The following FARP1 variants were observed in gnomAD, a reference collection of about 807,000 sequenced individuals.
The protein encoded by FARP1 is FERM, ARH/RhoGEF and pleckstrin domain protein 1, also known as FERM, ARHGEF and pleckstrin domain-containing protein 1.
A neutral mutation model predicts 128.8 loss-of-function variants in FARP1; 52 were observed. The observed-to-expected ratio is 0.40, with a 90% CI of 0.32 to 0.51. FARP1 has a LOEUF of 0.51. FARP1 is among the 20% of genes least tolerant of loss of function. The pLI is 0.45. For missense variants in FARP1, 1,333 were observed against 1,367.9 expected (o/e 0.97, Z 0.40); for synonymous variants, 580 against 551.8 (o/e 1.05, Z -0.72).
intron 1 of FARP1, among the ~76,000 whole-genome samples, chr13:98,182,991 T>C (rs948056449): frequency 4.6e-5 from 7 of 152,350 alleles, no homozygotes; most frequent in Middle Eastern, 3.4e-3. Flanking sequence ...TCCTATACCA[T>C]AATATCTGTT....
chr13:98,231,358 A>G (rs57247338), intron 2 of FARP1, among the ~76,000 whole-genome samples: 1,958 of 146,528 alleles, frequency 0.013, 35 homozygotes, highest in African/African-American at 0.049. Context: ...AGAAGCAGTC[A>G]AGCAGTTTTA....
At chr13:98,213,160 C>G in intron 1 of FARP1, 60 bp from the exon 2 acceptor site, 1 of 1,431,336 alleles carries the variant, frequency 7.0e-7, no homozygotes. Flanking sequence ...CAAGGTGGCA[C>G]ACAGCTTGGG....
At chr13:98,286,572 AT>A (rs1282029445) in intron 2 of FARP1, among the ~76,000 whole-genome samples, 1 of 152,102 alleles carries the variant, frequency 6.6e-6, no homozygotes, top group Non-Finnish European at 1.5e-5. Context: ...TTCTGCCATA[AT>A]TTTGAGGCCT....
At chr13:98,213,509 C>T (rs563339572) in intron 2 of FARP1, 96 bp downstream of exon 2, 76 of 1,295,546 alleles carry the variant, frequency 5.9e-5, no homozygotes, top group East Asian at 4.1e-4. Flanking sequence ...TGACATGAGG[C>T]GGCTGGAGGT....
rs561132959 is a variant in FARP1 at position 98,371,520 on chromosome 13, T to C, written c.398+3325T>C. Among the ~76,000 whole-genome samples the C allele has an allele frequency of 1.9e-4, 29 of 152,280 alleles. No individual in the cohort carries two copies. In the South Asian group the frequency reaches 4.8e-3, roughly 25 times the overall value. On this transcript the variant is annotated intron_variant, in intron 5 of 26. Coordinates refer to ENST00000319562, the MANE Select transcript of FARP1 (RefSeq NM_005766.4). ...AGTCTTTTCCAAGGAGACAGTTCTT[T>C]TGGCTCATTGTTGAATAAAATTGAT...
At chr13:98,214,933 T>C (rs181121032) in intron 2 of FARP1, among the ~76,000 whole-genome samples, 1 of 152,312 alleles carries the variant, frequency 6.6e-6, no homozygotes, top group East Asian at 1.9e-4. Context: ...GTGAGGTGTT[T>C]CGTTTCAGTG....
In FARP1 at chr13:98,448,221, G is replaced by T. The variant is rs758536289; in HGVS notation, c.3057-15G>T. 6.8e-6 allele frequency: 11 copies of T among 1,611,088 alleles called. No homozygotes were observed. The East Asian group carries it at 2.5e-4, about 36-fold the overall frequency. On this transcript the variant is annotated splice_polypyrimidine_tract_variant and intron_variant, in intron 26 of 26. Coordinates refer to ENST00000319562, the MANE Select transcript of FARP1 (RefSeq NM_005766.4). Reference sequence around the variant, plus strand: ...CCAAACAAAAGGTTGACTAACTGGCGTTCCCGTGTTGCAGGTGGATGGAAG... The same window carrying T: ...CCAAACAAAAGGTTGACTAACTGGCTTTCCCGTGTTGCAGGTGGATGGAAG...
At chr13:98,167,996 C>T (rs975371522) in intron 1 of FARP1, among the ~76,000 whole-genome samples, 7 of 151,830 alleles carry the variant, frequency 4.6e-5, no homozygotes, top group African/African-American at 1.5e-4. Flanking sequence ...CACGGTGAAA[C>T]CCCGTCTCTA....
rs924210754 is a variant in FARP1 at position 98,455,020 on chromosome 13, A to C, written c.*6703A>C. 7.2e-5 allele frequency: 11 copies of C among 152,256 alleles called. No homozygotes were observed. Among genetic ancestry groups the C allele is most frequent in the African/African-American group, 2.7e-4 (11 of 41,458 alleles). The allele number at this position is 152,256 out of a possible 1,614,324, so 9.4% of individuals were successfully genotyped here. A position where few individuals can be genotyped will look rare whatever the true frequency, so the allele number is the denominator to read the frequency against. On this transcript the variant is annotated 3_prime_UTR_variant, in exon 27 of 27. Coordinates refer to ENST00000319562, the MANE Select transcript of FARP1 (RefSeq NM_005766.4). ...AGGGTCAACCCCAGCCACGATGCCC[A>C]GTGAGCACGTAAAATGTGCTGCGTC...
chr13:98,232,329 A>G (rs1378462272), intron 2 of FARP1, among the ~76,000 whole-genome samples: 3 of 152,172 alleles, frequency 2.0e-5, no homozygotes, highest in African/African-American at 7.2e-5. Flanking sequence ...TGTCAGAAGT[A>G]GTTTTCAGAT....
chr13:98,181,289 T>C (rs1027591861), intron 1 of FARP1, among the ~76,000 whole-genome samples: 2 of 152,328 alleles, frequency 1.3e-5, no homozygotes, highest in African/African-American at 4.8e-5. Context: ...GGTTACATCC[T>C]GGCGCTGTGA....
chr13:98,320,673 T>G (rs1566874869), intron 2 of FARP1, among the ~76,000 whole-genome samples: 1 of 152,204 alleles, frequency 6.6e-6, no homozygotes, highest in Non-Finnish European at 1.5e-5. Flanking sequence ...CAAAACTGTT[T>G]TAAAGCATTT....
At chr13:98,358,053 T>TA (rs1888709650) in intron 3 of FARP1, among the ~76,000 whole-genome samples, 6 of 151,946 alleles carry the variant, frequency 3.9e-5, no homozygotes, top group Admixed American at 3.9e-4. Context: ...TAGGCACTGT[T>TA]ACCTCTAATA....
chr13:98,241,244 T>G (rs1882754018), intron 2 of FARP1, among the ~76,000 whole-genome samples: 1 of 151,268 alleles, frequency 6.6e-6, no homozygotes, highest in South Asian at 2.1e-4. Flanking sequence ...AGTTCTAGGG[T>G]CCTTGGGGTG....
rs139709037 is a variant in FARP1 at position 98,145,089 on chromosome 13, G to T, written c.-24+1597G>T. Among the ~76,000 whole-genome samples the T allele has an allele frequency of 1.8e-4, 28 of 152,304 alleles. No individual in the cohort carries two copies. In the East Asian group the frequency reaches 4.8e-3, roughly 26 times the overall value. ...CTGCTTCTGGGTAAAATAAATAGAA[G>T]CATTATTGGGCAATGGCTGCTTTAC... On this transcript the variant is annotated intron_variant, in intron 1 of 26. Transcript: ENST00000319562.
chr13:98,392,305 C>G (rs1343187486), intron 11 of FARP1, among the ~76,000 whole-genome samples: 1 of 116,412 alleles, frequency 8.6e-6, no homozygotes, highest in South Asian at 2.7e-4. Context: ...GGTAACATGA[C>G]GAAAGCTCAT....
chr13:98,319,997 G>T (rs1409260776), intron 2 of FARP1, among the ~76,000 whole-genome samples: 1 of 152,150 alleles, frequency 6.6e-6, no homozygotes, highest in East Asian at 1.9e-4. Flanking sequence ...ACATTATGGG[G>T]GTGTCTGAAA....
At chr13:98,266,738 G>A (rs1012016239) in intron 2 of FARP1, among the ~76,000 whole-genome samples, 8 of 152,266 alleles carry the variant, frequency 5.3e-5, no homozygotes, top group African/African-American at 1.9e-4. Flanking sequence ...GAGGCCGGGC[G>A]TGGTGGCTCG....
intron 2 of FARP1, among the ~76,000 whole-genome samples, chr13:98,258,261 C>A (rs1400328562): frequency 6.6e-6 from 1 of 152,128 alleles, no homozygotes; most frequent in Admixed American, 6.5e-5. Flanking sequence ...GCAACCACAC[C>A]CGGCCTGTAA....
Sources: gnomAD v4.1 joint callset for allele counts (sites outside exome capture counted in the v4.1 genomes callset) on GRCh38, gnomAD v4.1.1 for gene constraint, MANE v1.5 for transcripts, NCBI Gene and HGNC (gene_info 2026-07-23, HGNC 2026-07-21) for gene names.